Variants in POLN observed in about 807,000 individuals in gnomAD.
The protein encoded by POLN is DNA polymerase nu, also known as DNA polymerase N.
Under a neutral mutation model 113.5 loss-of-function variants are expected in POLN, and 108 were observed. That is an observed-to-expected ratio of 0.95 (90% confidence interval 0.81 to 1.12). The LOEUF (loss-of-function observed/expected upper bound fraction) is 1.12, where lower values mean the gene tolerates loss of function less well. Among genes scored for constraint, POLN ranks in the 50% most tolerant of loss-of-function variants. The pLI, the probability that POLN is intolerant of heterozygous loss-of-function variation, is 0.00. For synonymous variants in POLN, 386 were observed against 391.5 expected, an observed-to-expected ratio of 0.99 and a Z score of 0.17; for missense variants, 1,097 against 1,077.1, an observed-to-expected ratio of 1.02 and a Z score of -0.26.
At chr4:2,215,082 T>G (rs1301122050) in intron 3 of POLN, among the ~76,000 whole-genome samples, 10 of 152,266 alleles carry the variant, frequency 6.6e-5, no homozygotes, top group Non-Finnish European at 1.3e-4. Context: ...TAAACAGGTT[T>G]AAACCAAAAT....
At chr4:2,141,569 C>T (rs1348265321) in intron 16 of POLN, among the ~76,000 whole-genome samples, 1 of 152,218 alleles carries the variant, frequency 6.6e-6, no homozygotes, top group African/African-American at 2.4e-5. Context: ...GTGCTCTCAG[C>T]ACGGCCAGCA....
chr4:2,184,263 G>A (rs1411311066), intron 7 of POLN, among the ~76,000 whole-genome samples: 1 of 145,004 alleles, frequency 6.9e-6, no homozygotes, highest in Non-Finnish European at 1.5e-5. Context: ...AAAAAAAAAG[G>A]AAAACAAAAC....
Position 2,176,260 on chromosome 4 carries a change from C to T in POLN, c.1248+6G>A, listed in dbSNP as rs373330849. 29 of 1,600,330 alleles carry T rather than the reference C, an allele frequency of 1.8e-5. No homozygotes were observed. Among genetic ancestry groups the T allele is most frequent in the Non-Finnish European group, 2.5e-5 (29 of 1,170,346 alleles). The stretch of plus-strand genomic sequence containing the variant: ...GTCAGCCAGAAATTATAATAAAATG[C>T]CTTGCCTTCAGTTTAGAGCAAAGGT... On this transcript the variant is annotated splice_donor_region_variant and intron_variant, in intron 9 of 25. Transcript: ENST00000511885.
At chr4:2,237,270 AT>A (rs5855728) in intron 2 of POLN, among the ~76,000 whole-genome samples, 294 of 145,708 alleles carry the variant, frequency 2.0e-3, no homozygotes, top group Middle Eastern at 3.5e-3. Flanking sequence ...ATCTCTACAA[AT>A]TTTTTTTTTT....
chr4:2,103,615 G>GA (rs1181999874), intron 19 of POLN, among the ~76,000 whole-genome samples: 3 of 152,208 alleles, frequency 2.0e-5, no homozygotes, highest in African/African-American at 7.2e-5. Flanking sequence ...CAATCCCCGG[G>GA]AAAATACAAT....
In POLN at chr4:2,072,432, C is replaced by G. The variant is rs971214052; in HGVS notation, c.2518-133G>C. 2.0e-5 allele frequency: 15 copies of G among 755,230 alleles called. No individual in the cohort carries two copies. The East Asian group carries it at 3.5e-4, about 18-fold the overall frequency. The allele number at this position is 755,230 out of a possible 1,614,324, so 46.8% of individuals were successfully genotyped here. ...CCAGATACATGATCAGACAGCCACA[C>G]GCACACATGTGCATACACGTGCACA... On this transcript the variant is annotated intron_variant, in intron 25 of 25. Transcript: ENST00000511885.
At chr4:2,096,686 A>AAGAGAAAGAG in intron 19 of POLN, among the ~76,000 whole-genome samples, 1 of 130,008 alleles carries the variant, frequency 7.7e-6, no homozygotes, top group Admixed American at 7.9e-5. Context: ...AGCCGAGAGA[A>AAGAGAAAGAG]AGAGAGAGAG....
At chr4:2,097,654 C>T (rs1410434764) in intron 19 of POLN, among the ~76,000 whole-genome samples, 1 of 152,096 alleles carries the variant, frequency 6.6e-6, no homozygotes, top group Non-Finnish European at 1.5e-5. Context: ...GGCTCTCCTA[C>T]CATTTTTAAG....
At chr4:2,206,521 G>A (rs565738615) in intron 5 of POLN, among the ~76,000 whole-genome samples, 62 of 152,292 alleles carry the variant, frequency 4.1e-4, no homozygotes, top group South Asian at 1.2e-3. Flanking sequence ...CTAATATCCA[G>A]AATCTACAAT....
At chr4:2,174,577 G>A (rs1020087097) in intron 10 of POLN, 114 bp downstream of exon 10, 5 of 863,638 alleles carry the variant, frequency 5.8e-6, no homozygotes, top group East Asian at 2.6e-5. Context: ...TACCTCTCTG[G>A]TGCCCATGAG....
At position 2,222,396 on chromosome 4, in the gene POLN, C is replaced by CA. The variant is rs1223700639; in HGVS notation, c.133+6702dup. Among the ~76,000 whole-genome samples the CA allele has an allele frequency of 6.2e-3, 909 of 147,768 alleles. 6 individuals carry two copies. The highest frequency in any genetic ancestry group is 0.019 in the African/African-American group (748 of 40,428). On this transcript the variant is annotated intron_variant, in intron 3 of 25. Coordinates refer to ENST00000511885, the MANE Select transcript of POLN (RefSeq NM_181808.4). Reference sequence around the variant, plus strand: ...CATGTGTACTTAAAAAACAAACAAACAAAAAAAAAACTAGCCGGGCATGCA... The same window carrying CA: ...CATGTGTACTTAAAAAACAAACAAACAAAAAAAAAAACTAGCCGGGCATGCA...
intron 6 of POLN, among the ~76,000 whole-genome samples, chr4:2,195,228 G>C (rs1292979665): frequency 6.6e-6 from 1 of 152,158 alleles, no homozygotes; most frequent in East Asian, 1.9e-4. Flanking sequence ...TTGAGGCAAT[G>C]TATTAATTTG....
intron 4 of POLN, among the ~76,000 whole-genome samples, chr4:2,210,536 A>G (rs1733963196): frequency 6.6e-6 from 1 of 150,856 alleles, no homozygotes; most frequent in African/African-American, 2.4e-5. Flanking sequence ...AGCCGTGGTC[A>G]CACCACACTG....
At chr4:2,101,925 T>A (rs1296723492) in intron 19 of POLN, among the ~76,000 whole-genome samples, 1 of 152,104 alleles carries the variant, frequency 6.6e-6, no homozygotes, top group Non-Finnish European at 1.5e-5. Flanking sequence ...GTGGGTTAGA[T>A]GTGAGCTGCC....
intron 13 of POLN, 120 bp from the exon 14 acceptor site, chr4:2,159,331 A>G (rs760389974): frequency 1.2e-6 from 1 of 823,400 alleles, no homozygotes; most frequent in Non-Finnish European, 1.9e-6. Context: ...TTCCAAAATA[A>G]AGATGCATAA....
chr4:2,150,227 T>C (rs1732258760), intron 16 of POLN, among the ~76,000 whole-genome samples: 1 of 152,164 alleles, frequency 6.6e-6, no homozygotes, highest in South Asian at 2.1e-4. Flanking sequence ...GGAGTGGTTA[T>C]TTAACATTAA....
intron 2 of POLN, chr4:2,232,202 C>A (rs750565500): frequency 1.2e-6 from 1 of 842,804 alleles, no homozygotes; most frequent in South Asian, 2.0e-5. Flanking sequence ...ACACTTTATT[C>A]CTAATACCAA....
At chr4:2,241,828 C>T in intron 1 of POLN, 38 bp from the exon 2 acceptor site, 1 of 985,474 alleles carries the variant, frequency 1.0e-6, no homozygotes, top group Non-Finnish European at 1.2e-6. Flanking sequence ...GAATCGCCGT[C>T]GACACCGAGC....
intron 16 of POLN, among the ~76,000 whole-genome samples, chr4:2,149,599 T>C (rs1168957546): frequency 6.6e-6 from 1 of 152,098 alleles, no homozygotes. Context: ...CTAAACGATA[T>C]AGGATAGCAA....
Sources: gnomAD v4.1 joint callset for allele counts (sites outside exome capture counted in the v4.1 genomes callset) on GRCh38, gnomAD v4.1.1 for gene constraint, MANE v1.5 for transcripts, NCBI Gene and HGNC (gene_info 2026-07-23, HGNC 2026-07-21) for gene names.